Variants in SOX5 observed in about 807,000 individuals in gnomAD.
The protein encoded by SOX5 is transcription factor SOX-5.
In SOX5, 9 loss-of-function variants were observed where a neutral mutation model predicts 92.0. That is an observed-to-expected ratio of 0.10 (90% CI 0.06 to 0.17). SOX5 has a LOEUF of 0.17. Among genes scored for constraint, SOX5 ranks in the 10% least tolerant of loss-of-function variants. The pLI is 1.00. For missense variants in SOX5, 642 were observed against 944.5 expected, an observed-to-expected ratio of 0.68 and a Z score of 4.20; for synonymous variants, 344 against 336.3, an observed-to-expected ratio of 1.02 and a Z score of -0.25.
intron 1 of SOX5, among the ~76,000 whole-genome samples, chr12:24,414,575 T>C (rs1436938927): frequency 6.6e-6 from 1 of 152,224 alleles, no homozygotes; most frequent in Non-Finnish European, 1.5e-5. Flanking sequence ...TTAAGCATCA[T>C]GTCCAGAGAC....
intron 4 of SOX5, among the ~76,000 whole-genome samples, chr12:24,200,492 T>C (rs1757520024): frequency 7.0e-6 from 1 of 143,014 alleles, no homozygotes; most frequent in Non-Finnish European, 1.5e-5. Flanking sequence ...AAAGTGTTAC[T>C]TTTTTTTTTT....
At chr12:23,689,887 G>A (rs976122926) in intron 6 of SOX5, among the ~76,000 whole-genome samples, 1 of 152,140 alleles carries the variant, frequency 6.6e-6, no homozygotes, top group African/African-American at 2.4e-5. Flanking sequence ...ACGCATTGCT[G>A]GCACTGAGGC....
intron 11 of SOX5, among the ~76,000 whole-genome samples, chr12:23,554,788 T>TAATA (rs1212962821): frequency 6.6e-6 from 1 of 152,186 alleles, no homozygotes; most frequent in East Asian, 1.9e-4. Flanking sequence ...ATTTTCCTAA[T>TAATA]AATAGTTTTA....
intron 8 of SOX5, chr12:23,638,194 C>T (rs1300178302): frequency 6.6e-6 from 1 of 152,232 alleles, no homozygotes; most frequent in Non-Finnish European, 1.5e-5. Context: ...TATCTCACGG[C>T]AGACATAACT....
Position 24,031,609 on chromosome 12 carries a change from A to G in SOX5, c.-1-135585T>C, listed in dbSNP as rs537137439. On this transcript the variant is annotated intron_variant, in intron 4 of 4. Transcript: ENST00000446891. The stretch of plus-strand genomic sequence containing the variant: ...TCCTGATTCGAATCCTATGTACACT[A>G]GTTTCTAACTTACAAGTCAGTAGTC... Among the ~76,000 whole-genome samples the G allele has an allele frequency of 7.9e-5, 12 of 151,942 alleles. No individual in the cohort carries two copies. In the South Asian group the frequency reaches 2.3e-3, roughly 29 times the overall value.
intron 3 of SOX5, among the ~76,000 whole-genome samples, chr12:24,218,821 T>C (rs1365873849): frequency 2.0e-5 from 3 of 152,108 alleles, no homozygotes; most frequent in Non-Finnish European, 2.9e-5. Context: ...ATACCATGGC[T>C]AAAAACTAAT....
chr12:23,949,712 T>G, upstream of SOX5: 17 of 1,473,884 alleles, frequency 1.2e-5, no homozygotes, highest in East Asian at 2.7e-5. Flanking sequence ...TCTCTGTCTC[T>G]TCCCCCCCTC....
chr12:23,997,246 C>G (rs954363520), intron 4 of SOX5, among the ~76,000 whole-genome samples: 1 of 152,152 alleles, frequency 6.6e-6, no homozygotes, highest in African/African-American at 2.4e-5. Context: ...CTTTACTGCT[C>G]TATTTCTACC....
intron 2 of SOX5, among the ~76,000 whole-genome samples, chr12:24,327,361 A>G (rs2140952135): frequency 6.7e-6 from 1 of 149,496 alleles, no homozygotes; most frequent in African/African-American, 2.5e-5. Flanking sequence ...CAGAAGCAGA[A>G]ATGAAGGGCT....
intron 2 of SOX5, among the ~76,000 whole-genome samples, chr12:23,851,972 G>C (rs927174616): frequency 2.0e-5 from 3 of 152,110 alleles, no homozygotes; most frequent in Non-Finnish European, 4.4e-5. Flanking sequence ...TCAGCGGCTA[G>C]GTTGGTATGT....
At chr12:23,542,590 T>A (rs1221240740) in intron 13 of SOX5, among the ~76,000 whole-genome samples, 1 of 152,228 alleles carries the variant, frequency 6.6e-6, no homozygotes, top group African/African-American at 2.4e-5. Flanking sequence ...AATTGAATGT[T>A]GCAATGGCAG....
rs1953032841 is a variant in SOX5, at chr12:24,163,606, C to T, written c.-2+49737G>A. Among the ~76,000 whole-genome samples, 5 of 147,914 alleles carry T rather than the reference C, an allele frequency of 3.4e-5. No individual in the cohort carries two copies. In the South Asian group the frequency reaches 6.5e-4, roughly 19 times the overall value. On this transcript the variant is annotated intron_variant, in intron 4 of 4. Coordinates refer to the SOX5 transcript ENST00000446891. ...GCTTGGGTCATAAGCTCCTAGAATACGAGGATTCTATCAGTCTAAATGGCT... is the reference window on the plus strand; with the variant it reads ...GCTTGGGTCATAAGCTCCTAGAATATGAGGATTCTATCAGTCTAAATGGCT...
intron 3 of SOX5, among the ~76,000 whole-genome samples, chr12:24,259,054 G>T (rs958222449): frequency 2.0e-5 from 3 of 152,176 alleles, no homozygotes; most frequent in African/African-American, 7.2e-5. Flanking sequence ...TTCTGGTGGT[G>T]TTTCCTCCAG....
At chr12:23,537,569 C>T (rs915334364) in intron 13 of SOX5, among the ~76,000 whole-genome samples, 5 of 152,160 alleles carry the variant, frequency 3.3e-5, no homozygotes, top group Non-Finnish European at 5.9e-5. Flanking sequence ...CATACAAAGA[C>T]GTCACTTCCC....
intron 3 of SOX5, among the ~76,000 whole-genome samples, chr12:23,828,954 C>T (rs1208110515): frequency 3.3e-5 from 5 of 152,082 alleles, no homozygotes; most frequent in East Asian, 1.9e-4. Flanking sequence ...TGCTCCTTCA[C>T]GATGCTGGCC....
chr12:23,886,893 T>A (rs896694428), intron 2 of SOX5, among the ~76,000 whole-genome samples: 4 of 152,136 alleles, frequency 2.6e-5, no homozygotes, highest in Admixed American at 2.0e-4. Flanking sequence ...TTGGATTTAC[T>A]TAGGTAAGAT....
intron 3 of SOX5, among the ~76,000 whole-genome samples, chr12:23,809,706 A>C (rs1197476191): frequency 6.6e-6 from 1 of 150,832 alleles, no homozygotes; most frequent in Non-Finnish European, 1.5e-5. Flanking sequence ...GTAAGGTTAA[A>C]CCAGGAGGAA....
In SOX5 at chr12:24,501,155, A is replaced by G. The variant is rs147434476; in HGVS notation, c.-251+61174T>C. On this transcript the variant is annotated intron_variant, in intron 1 of 4. Coordinates refer to the SOX5 transcript ENST00000446891. ...CAATTTTATCCTTATAAATTAGCCTACCAGACAAACACTAAACACAGCTTG... is the reference window on the plus strand; with the variant it reads ...CAATTTTATCCTTATAAATTAGCCTGCCAGACAAACACTAAACACAGCTTG... Among the ~76,000 whole-genome samples, 14 of 152,334 alleles carry G rather than the reference A, an allele frequency of 9.2e-5. No individual in the cohort carries two copies. The East Asian group carries it at 2.1e-3, about 23-fold the overall frequency.
chr12:23,923,631 A>C (rs1197832459), intron 1 of SOX5, among the ~76,000 whole-genome samples: 1 of 152,132 alleles, frequency 6.6e-6, no homozygotes, highest in Non-Finnish European at 1.5e-5. Flanking sequence ...TCCCCGCCCC[A>C]AGCTCAAAGA....
Sources: gnomAD v4.1 joint callset for allele counts (sites outside exome capture counted in the v4.1 genomes callset) on GRCh38, gnomAD v4.1.1 for gene constraint, MANE v1.5 for transcripts, NCBI Gene and HGNC (gene_info 2026-07-23, HGNC 2026-07-21) for gene names.